The following PIK3C2G variants were observed in gnomAD, a reference collection of about 807,000 sequenced individuals.
PIK3C2G encodes phosphatidylinositol 3-kinase C2 domain-containing subunit gamma.
In PIK3C2G, 168 loss-of-function variants were observed where a neutral mutation model predicts 181.1. The ratio of observed to expected loss-of-function variants is 0.93; its 90% CI spans 0.82 to 1.05. PIK3C2G has a LOEUF of 1.05. Ranked by LOEUF, PIK3C2G falls within the 50% of genes least tolerant of loss-of-function variation. The pLI, the probability that PIK3C2G is intolerant of heterozygous loss-of-function variation, is 0.00. For synonymous variants in PIK3C2G, 573 were observed against 592.2 expected, an observed-to-expected ratio of 0.97 and a Z score of 0.47; for missense variants, 1,869 against 1,732.8, an observed-to-expected ratio of 1.08 and a Z score of -1.40.
intron 17 of PIK3C2G, 83 bp downstream of exon 17, chr12:18,421,117 A>G (rs958854175): frequency 5.7e-6 from 4 of 696,588 alleles, no homozygotes; most frequent in African/African-American, 3.6e-5. Flanking sequence ...ACAATAGTCT[A>G]TCTAGAAGTG....
intron 26 of PIK3C2G, among the ~76,000 whole-genome samples, chr12:18,554,795 T>G (rs1944918155): frequency 6.6e-6 from 1 of 152,238 alleles, no homozygotes; most frequent in African/African-American, 2.4e-5. Flanking sequence ...AACTACTGAT[T>G]TTCTTTATGC....
At chr12:18,373,618 G>C (rs1406341016) in intron 13 of PIK3C2G, among the ~76,000 whole-genome samples, 1 of 152,154 alleles carries the variant, frequency 6.6e-6, no homozygotes, top group Non-Finnish European at 1.5e-5. Flanking sequence ...GGGAGGCCGA[G>C]GCGGGTGGAT....
intron 24 of PIK3C2G, among the ~76,000 whole-genome samples, chr12:18,521,567 T>C (rs890255826): frequency 1.3e-5 from 2 of 152,194 alleles, no homozygotes; most frequent in Non-Finnish European, 2.9e-5. Context: ...CTGTGGGGTA[T>C]ACCTCTTGAG....
intron 27 of PIK3C2G, among the ~76,000 whole-genome samples, 171 bp downstream of exon 27, chr12:18,563,063 TAAC>T (rs1426277070): frequency 2.0e-5 from 3 of 152,168 alleles, no homozygotes; most frequent in East Asian, 1.9e-4. Flanking sequence ...GGAAAAATCA[TAAC>T]AACAAGACTA....
intron 1 of PIK3C2G, among the ~76,000 whole-genome samples, chr12:18,263,423 A>G (rs1948337663): frequency 6.6e-6 from 1 of 152,070 alleles, no homozygotes; most frequent in Admixed American, 6.6e-5. Context: ...AGTATCTTAT[A>G]TATGTTCATT....
chr12:18,609,883 G>A (rs960361201), intron 31 of PIK3C2G, among the ~76,000 whole-genome samples: 1 of 152,010 alleles, frequency 6.6e-6, no homozygotes, highest in African/African-American at 2.4e-5. Flanking sequence ...AAAAAGACTA[G>A]GGAAAAGGCT....
intron 19 of PIK3C2G, 32 bp downstream of exon 19, chr12:18,488,661 T>C (rs746092594): frequency 3.0e-6 from 4 of 1,311,816 alleles, no homozygotes; most frequent in African/African-American, 1.5e-5. Context: ...CAGGTAGTAA[T>C]GTTTTTAACT....
At position 18,325,098 on chromosome 12, in the gene PIK3C2G, G is replaced by C. The variant is rs1420248144; in HGVS notation, c.1272G>C (p.Gln424His). Residue 424 changes from glutamine (Q) to histidine (H), a missense_variant and splice_region_variant, in exon 8 of 33, where the codon CAG (glutamine) becomes CAC (histidine). Physicochemically the swap from Gln to His is conservative, Grantham distance 24. Coordinates refer to ENST00000538779, the MANE Select transcript of PIK3C2G (RefSeq NM_001288772.2). ...DFHLKYLLKT[Q>H]ENVYNIIEEV... ...ACCTGAAATACCTATTGAAAACCCA[G>C]GTATTGACTTTTGTTACTTTATCCA... 9.8e-6 allele frequency: 15 copies of C among 1,532,732 alleles called. No homozygotes were observed. The South Asian group carries it at 1.0e-4, about 11-fold the overall frequency. The allele number at this position is 1,532,732 out of a possible 1,614,324, so 94.9% of individuals were successfully genotyped here. A position where few individuals can be genotyped will look rare whatever the true frequency, so the allele number is the denominator to read the frequency against.
chr12:18,322,019 C>A lies in PIK3C2G; in HGVS notation c.1208+987C>A, dbSNP rs1014778491. ...CTAGGTGATGGGTTGATAGGTGCAG[C>A]AAACCACCATTGCGCACGTTTACCT... On this transcript the variant is annotated intron_variant, in intron 7 of 32. Transcript: ENST00000538779. Among the ~76,000 whole-genome samples the A allele has an allele frequency of 2.6e-5, 4 of 152,168 alleles. No individual in the cohort carries two copies. The East Asian group carries it at 7.7e-4, about 29-fold the overall frequency.
chr12:18,338,851 TAATC>T (rs1938836610), intron 9 of PIK3C2G, among the ~76,000 whole-genome samples: 1 of 152,084 alleles, frequency 6.6e-6, no homozygotes, highest in African/African-American at 2.4e-5. Flanking sequence ...GGTGATATTG[TAATC>T]AATCCTACAA....
rs1376468734 is a variant in PIK3C2G, at chr12:18,290,945, T to C, written c.852T>C (p.Ser284=). 6.3e-7 allele frequency: 1 copy of C among 1,590,970 alleles called. No individual in the cohort carries two copies. Among genetic ancestry groups the C allele is most frequent in the East Asian group, 2.2e-5 (1 of 44,672 alleles). The change falls in exon 4 of 33, where the codon TCT becomes TCC. Residue 284 remains serine, a synonymous_variant. Coordinates refer to ENST00000538779, the MANE Select transcript of PIK3C2G (RefSeq NM_001288772.2). The stretch of plus-strand genomic sequence containing the variant: ...CAGCATTTCCGTATCAGCTCTTTTC[T>C]AAGACCAAGTTTAATATACATATTT... ...TTTAFPYQLF[S]KTKFNIHIFI...
At chr12:18,265,701 T>A (rs566790551) in intron 1 of PIK3C2G, among the ~76,000 whole-genome samples, 1 of 152,188 alleles carries the variant, frequency 6.6e-6, no homozygotes, top group East Asian at 1.9e-4. Context: ...TTAATTTTTT[T>A]ATGTGTTTCT....
chr12:18,441,512 G>A (rs1051614748), intron 18 of PIK3C2G, among the ~76,000 whole-genome samples: 1 of 152,088 alleles, frequency 6.6e-6, no homozygotes, highest in Non-Finnish European at 1.5e-5. Flanking sequence ...AAATCCTTGA[G>A]TAATGATAGG....
chr12:18,316,654 C>A (rs909476346), intron 6 of PIK3C2G, among the ~76,000 whole-genome samples: 5 of 151,884 alleles, frequency 3.3e-5, no homozygotes, highest in Admixed American at 6.6e-5. Context: ...TACTTGAACC[C>A]GAGAGGCAGC....
At chr12:18,421,728 GT>G (rs1945500344) in intron 17 of PIK3C2G, among the ~76,000 whole-genome samples, 1 of 151,288 alleles carries the variant, frequency 6.6e-6, no homozygotes, top group Non-Finnish European at 1.5e-5. Context: ...TAAACTTGTG[GT>G]TTTTATGCTT....
intron 14 of PIK3C2G, among the ~76,000 whole-genome samples, chr12:18,390,710 C>T (rs567138902): frequency 5.3e-5 from 8 of 151,940 alleles, no homozygotes; most frequent in East Asian, 1.9e-4. Flanking sequence ...TTTTTTCAGG[C>T]GGGTTACATG....
chr12:18,281,281 A>C (rs1254493835), intron 1 of PIK3C2G, among the ~76,000 whole-genome samples: 2 of 141,964 alleles, frequency 1.4e-5, no homozygotes, highest in African/African-American at 5.1e-5. Context: ...AAAAAAAAAA[A>C]AAAAAAGCCA....
At chr12:18,399,381 A>T (rs1944110867) in intron 15 of PIK3C2G, among the ~76,000 whole-genome samples, 1 of 142,378 alleles carries the variant, frequency 7.0e-6, no homozygotes, top group African/African-American at 2.6e-5. Context: ...ATGACATATT[A>T]AAAAAAAAAA....
At chr12:18,507,762 T>C (rs569845901) in intron 24 of PIK3C2G, among the ~76,000 whole-genome samples, 1 of 152,206 alleles carries the variant, frequency 6.6e-6, no homozygotes, top group East Asian at 1.9e-4. Flanking sequence ...ATGTGAGTGG[T>C]TTAAAATGAA....
Sources: gnomAD v4.1 joint callset for allele counts (sites outside exome capture counted in the v4.1 genomes callset) on GRCh38, gnomAD v4.1.1 for gene constraint, MANE v1.5 for transcripts, NCBI Gene and HGNC (gene_info 2026-07-23, HGNC 2026-07-21) for gene names.